The following HPSE2 variants were observed in gnomAD, a reference collection of about 807,000 sequenced individuals.
HPSE2 encodes heparanase 2 (inactive), also known as inactive heparanase-2.
In HPSE2, 38 loss-of-function variants were observed where a neutral mutation model predicts 60.5. That is an observed-to-expected ratio of 0.63 (90% CI 0.48 to 0.82). HPSE2 has a LOEUF of 0.82. Ranked by LOEUF, HPSE2 falls within the 40% of genes least tolerant of loss-of-function variation. The pLI is 0.00. For missense variants in HPSE2, 713 were observed against 740.4 expected (o/e 0.96, Z 0.43); for synonymous variants, 295 against 293.2 (o/e 1.01, Z -0.06).
the HPSE2 span, among the ~76,000 whole-genome samples, chr10:99,256,377 G>GTGGGTTGC: frequency 3.9e-5 from 5 of 128,452 alleles, no homozygotes; most frequent in African/African-American, 8.7e-5. Context: ...ATGTGTAGGG[G>GTGGGTTGC]CAACCCACCC....
chr10:98,879,763 A>G (rs1006449308), intron 3 of HPSE2, among the ~76,000 whole-genome samples: 2 of 151,864 alleles, frequency 1.3e-5, no homozygotes, highest in African/African-American at 4.8e-5. Flanking sequence ...TGGAGCAAAC[A>G]TTTGTGGCGT....
intron 9 of HPSE2, among the ~76,000 whole-genome samples, chr10:98,583,888 T>C (rs1382361461): frequency 6.6e-6 from 1 of 152,202 alleles, no homozygotes; most frequent in Non-Finnish European, 1.5e-5. Flanking sequence ...CCACATTTCA[T>C]TTACCTCTTT....
chr10:98,990,003 A>T (rs367699510), intron 3 of HPSE2, among the ~76,000 whole-genome samples: 16 of 152,256 alleles, frequency 1.1e-4, no homozygotes, highest in African/African-American at 3.6e-4. Flanking sequence ...GATTGAGACA[A>T]GTGCACAGTG....
intron 3 of HPSE2, among the ~76,000 whole-genome samples, chr10:99,022,284 C>A (rs922122440): frequency 2.0e-5 from 3 of 152,008 alleles, no homozygotes; most frequent in African/African-American, 7.3e-5. Flanking sequence ...TGCCCACCCA[C>A]GGAGGGAGCA....
chr10:98,640,369 C>A (rs1381015106), intron 7 of HPSE2, among the ~76,000 whole-genome samples: 4 of 152,186 alleles, frequency 2.6e-5, no homozygotes, highest in Non-Finnish European at 5.9e-5. Context: ...AGGGTGCTGG[C>A]CAATGCACCT....
At chr10:99,102,910 A>C (rs1844070277) in intron 3 of HPSE2, among the ~76,000 whole-genome samples, 4 of 152,210 alleles carry the variant, frequency 2.6e-5, no homozygotes, top group Non-Finnish European at 5.9e-5. Context: ...GATGCAGAAA[A>C]GGCCTGTGAC....
chr10:98,767,119 C>T (rs1156871306), intron 3 of HPSE2, among the ~76,000 whole-genome samples: 6 of 152,090 alleles, frequency 3.9e-5, no homozygotes, highest in Admixed American at 6.5e-5. Context: ...ATGGCATCTA[C>T]AAAATGTTCC....
At chr10:99,158,497 G>GC in intron 2 of HPSE2, among the ~76,000 whole-genome samples, 1 of 129,896 alleles carries the variant, frequency 7.7e-6, no homozygotes, top group South Asian at 3.0e-4. Flanking sequence ...GTAAACTATC[G>GC]CAAGAACAAA....
intron 3 of HPSE2, among the ~76,000 whole-genome samples, chr10:98,912,092 G>C (rs552970781): frequency 1.3e-5 from 2 of 152,272 alleles, no homozygotes; most frequent in Admixed American, 1.3e-4. Flanking sequence ...TGAGGATAAG[G>C]AGACAGATTC....
chr10:99,261,510 C>A, the HPSE2 span, among the ~76,000 whole-genome samples: 1 of 152,138 alleles, frequency 6.6e-6, no homozygotes, highest in Non-Finnish European at 1.5e-5. Context: ...CTCTTTTTCA[C>A]CAAATATAAA....
Position 98,601,540 on chromosome 10 carries a change from G to C in HPSE2, c.1320+13364C>G, listed in dbSNP as rs1158262536. On this transcript the variant is annotated intron_variant, in intron 9 of 11. Transcript: ENST00000370552. ...GATTATCTCTGCATGTTCTTGATGA[G>C]TGTGCCAGACTGCAAGACTTATGTC... 2.0e-5 allele frequency among the ~76,000 whole-genome samples: 3 copies of C among 152,208 alleles called. No homozygotes were observed. In the East Asian group the frequency reaches 5.8e-4, roughly 29 times the overall value.
chr10:98,831,033 A>C (rs939888567), intron 3 of HPSE2, among the ~76,000 whole-genome samples: 1 of 152,116 alleles, frequency 6.6e-6, no homozygotes, highest in Non-Finnish European at 1.5e-5. Flanking sequence ...TAACATCTAG[A>C]TTGTTTGTTT....
intron 7 of HPSE2, among the ~76,000 whole-genome samples, chr10:98,638,137 CAAAAAAAAAAAAA>C (rs34364786): frequency 5.4e-4 from 8 of 14,700 alleles, no homozygotes; most frequent in Non-Finnish European, 7.3e-4. Flanking sequence ...AGACCCATCT[CAAAAAAAAAAAAA>C]AAAAAAAAAA....
At chr10:98,718,009 G>A (rs1201184222) in intron 5 of HPSE2, among the ~76,000 whole-genome samples, 8 of 152,084 alleles carry the variant, frequency 5.3e-5, no homozygotes, top group East Asian at 3.9e-4. Context: ...GGCAGAGCTT[G>A]TTGAACAATA....
chr10:98,590,168 C>T lies in HPSE2; in HGVS notation c.1320+24736G>A, dbSNP rs145636100. 3.5e-3 allele frequency among the ~76,000 whole-genome samples: 540 copies of T among 152,352 alleles called. 5 individuals are homozygous for T. Among genetic ancestry groups the T allele is most frequent in the Non-Finnish European group, 3.9e-3 (268 of 68,040 alleles). ...TCATAAAAGATAACTTTCGCCCAGGCGTGGTGGCTCATGCCTGCAATCCCA... is the reference window on the plus strand; with the variant it reads ...TCATAAAAGATAACTTTCGCCCAGGTGTGGTGGCTCATGCCTGCAATCCCA... On this transcript the variant is annotated intron_variant, in intron 9 of 11. Transcript: ENST00000370552.
At chr10:99,213,047 C>G (rs191929232) in intron 2 of HPSE2, among the ~76,000 whole-genome samples, 6 of 152,006 alleles carry the variant, frequency 3.9e-5, no homozygotes, top group East Asian at 1.9e-4. Context: ...AACAACAGAC[C>G]AAAGGTAGAG....
At chr10:98,638,215 G>C (rs1364319576) in intron 7 of HPSE2, among the ~76,000 whole-genome samples, 4 of 150,850 alleles carry the variant, frequency 2.7e-5, no homozygotes, top group African/African-American at 7.3e-5. Flanking sequence ...GGAGGCTGAG[G>C]CGGGCAGATG....
In HPSE2 at chr10:98,668,383, T is replaced by C. The variant is rs755908697; in HGVS notation, c.1004+25517A>G. Among the ~76,000 whole-genome samples, 25 of 152,260 alleles carry C rather than the reference T, an allele frequency of 1.6e-4. No homozygotes were observed. In the Middle Eastern group the frequency reaches 0.01, roughly 62 times the overall value. ...AGTGTTATCCCTATCAAAACACCAA[T>C]GTCATTTTTCAAGGAAGTAGAAAAG... On this transcript the variant is annotated intron_variant, in intron 6 of 11. Coordinates refer to ENST00000370552, the MANE Select transcript of HPSE2 (RefSeq NM_021828.5).
intron 3 of HPSE2, among the ~76,000 whole-genome samples, chr10:98,938,673 C>CCAGGAGAACTTCCCCAATCT (rs2135140661): frequency 6.9e-6 from 1 of 144,042 alleles, no homozygotes; most frequent in African/African-American, 2.8e-5. Context: ...AGGATATTGT[C>CCAGGAGAACTTCCCCAATCT]CAGGAGAACT....
Sources: allele counts gnomAD v4.1 joint callset (sites outside exome capture counted in the v4.1 genomes callset), GRCh38; gene constraint gnomAD v4.1.1; transcripts MANE v1.5; gene names NCBI Gene and HGNC (gene_info 2026-07-23, HGNC 2026-07-21).